STAG1: variants seen among roughly 807,000 people sequenced by gnomAD.
STAG1 encodes the protein STAG1 cohesin complex component, also known as cohesin subunit SA-1.
STAG1 carries 26 observed loss-of-function variants against 170.9 expected under a neutral mutation model. That is an observed-to-expected ratio of 0.15 (90% CI 0.11 to 0.21). STAG1 has a LOEUF of 0.21. STAG1 is among the 10% of genes least tolerant of loss of function. The probability of loss-of-function intolerance (pLI) is 1.00; values close to 1 mark genes in which losing one functional copy is unlikely to be tolerated. For synonymous variants in STAG1, 514 were observed against 497.7 expected, an observed-to-expected ratio of 1.03 and a Z score of -0.44; for missense variants, 964 against 1,509.5, an observed-to-expected ratio of 0.64 and a Z score of 5.99.
intron 4 of STAG1, among the ~76,000 whole-genome samples, chr3:136,600,241 C>A (rs1032292014): frequency 6.6e-6 from 1 of 152,196 alleles, no homozygotes. Flanking sequence ...ACTTGAGATA[C>A]ACGATTACCC....
chr3:136,624,590 C>T (rs1177050671), intron 2 of STAG1, among the ~76,000 whole-genome samples: 1 of 152,224 alleles, frequency 6.6e-6, no homozygotes, highest in Non-Finnish European at 1.5e-5. Context: ...GCTGAGGAAA[C>T]ATGCTTCCTC....
At chr3:136,681,501 A>T (rs143256543) in intron 1 of STAG1, among the ~76,000 whole-genome samples, 1,934 of 152,326 alleles carry the variant, frequency 0.013, 24 homozygotes, top group Middle Eastern at 0.027. Context: ...TATACAAGGC[A>T]TGAGGTTATA....
chr3:136,509,410 T>C (rs1007750678), intron 7 of STAG1, among the ~76,000 whole-genome samples: 1 of 141,718 alleles, frequency 7.1e-6, no homozygotes, highest in Non-Finnish European at 1.5e-5. Context: ...AAAAAAAAAG[T>C]AAAGCCCAGC....
chr3:136,685,053 G>A (rs556485585), intron 1 of STAG1, among the ~76,000 whole-genome samples: 1 of 152,186 alleles, frequency 6.6e-6, no homozygotes, highest in East Asian at 1.9e-4. Context: ...GGTGGCTCAC[G>A]CCTGTAATCC....
chr3:136,634,204 T>G (rs981318438), intron 1 of STAG1, among the ~76,000 whole-genome samples: 7 of 151,410 alleles, frequency 4.6e-5, no homozygotes, highest in Non-Finnish European at 7.4e-5. Context: ...ATTTTAAAAC[T>G]AACCAGGCGT....
chr3:136,602,083 A>AAAGAAAAG (rs1938700810), intron 4 of STAG1, among the ~76,000 whole-genome samples: 3 of 152,262 alleles, frequency 2.0e-5, no homozygotes, highest in Admixed American at 2.0e-4. Flanking sequence ...GCTTACATTT[A>AAAGAAAAG]AAGAAAAGGA....
At chr3:136,674,522 A>C (rs1026002034) in intron 1 of STAG1, among the ~76,000 whole-genome samples, 1 of 152,200 alleles carries the variant, frequency 6.6e-6, no homozygotes, top group Non-Finnish European at 1.5e-5. Flanking sequence ...CCAAGAAGGG[A>C]CACAAGGGAA....
chr3:136,347,092 A>G (rs1235716749), intron 29 of STAG1, among the ~76,000 whole-genome samples: 35 of 150,428 alleles, frequency 2.3e-4, no homozygotes, highest in African/African-American at 2.2e-4. Flanking sequence ...AAAAAAAAAA[A>G]AAAAGAAAAG....
intron 7 of STAG1, among the ~76,000 whole-genome samples, chr3:136,508,357 G>A (rs1215555373): frequency 1.3e-5 from 2 of 152,068 alleles, no homozygotes; most frequent in Non-Finnish European, 2.9e-5. Context: ...GAAAAAATAG[G>A]TTTTCTAGAG....
intron 6 of STAG1, among the ~76,000 whole-genome samples, chr3:136,540,112 A>G (rs984144768): frequency 6.6e-6 from 1 of 152,148 alleles, no homozygotes; most frequent in Non-Finnish European, 1.5e-5. Context: ...AGTCTTTTGA[A>G]GAAAAAAATG....
intron 4 of STAG1, among the ~76,000 whole-genome samples, chr3:136,572,741 G>A (rs993678671): frequency 1.3e-5 from 2 of 152,016 alleles, no homozygotes; most frequent in South Asian, 4.1e-4. Context: ...CTATGACAAA[G>A]GAGACGTTTC....
intron 6 of STAG1, among the ~76,000 whole-genome samples, chr3:136,535,560 G>A (rs920185398): frequency 6.6e-6 from 1 of 152,190 alleles, no homozygotes; most frequent in Non-Finnish European, 1.5e-5. Context: ...CTACTTGGGT[G>A]GCTGAAGCAA....
In STAG1 at chr3:136,660,263, C is replaced by T. The variant is rs75996534; in HGVS notation, c.-83-29282G>A. ...CCAGGGTTTACCAGTAAAGTCATTT[C>T]CACAGTGTGCAATTCTGCAACTAAG... On this transcript the variant is annotated intron_variant, in intron 1 of 33. Transcript: ENST00000383202. 6.4e-3 allele frequency among the ~76,000 whole-genome samples: 979 copies of T among 152,276 alleles called. 12 individuals carry two copies. The highest frequency in any genetic ancestry group is 0.022 in the African/African-American group (930 of 41,544).
intron 1 of STAG1, among the ~76,000 whole-genome samples, chr3:136,701,758 G>A (rs867074502): frequency 1.6e-4 from 25 of 152,094 alleles, no homozygotes; most frequent in Middle Eastern, 3.2e-3. Flanking sequence ...GCTTCTGAGA[G>A]AATCATTATA....
chr3:136,471,328 T>C (rs1384468900), intron 12 of STAG1, among the ~76,000 whole-genome samples: 1 of 151,854 alleles, frequency 6.6e-6, no homozygotes, highest in African/African-American at 2.4e-5. Context: ...GTCAATGGAG[T>C]TCTAATATTC....
intron 7 of STAG1, among the ~76,000 whole-genome samples, chr3:136,520,935 T>C (rs1462746470): frequency 6.6e-6 from 1 of 152,142 alleles, no homozygotes; most frequent in Admixed American, 6.6e-5. Context: ...TTTGGCCTAG[T>C]GGTCTCTTAA....
chr3:136,352,164 ATTTAT>A (rs1936458576), intron 28 of STAG1, among the ~76,000 whole-genome samples: 1 of 151,974 alleles, frequency 6.6e-6, no homozygotes, highest in African/African-American at 2.4e-5. Flanking sequence ...TGTTCTTTTT[ATTTAT>A]TTATTTTTTT....
chr3:136,457,527 C>T (rs530146145), intron 13 of STAG1, among the ~76,000 whole-genome samples: 31 of 152,258 alleles, frequency 2.0e-4, no homozygotes, highest in Admixed American at 9.2e-4. Flanking sequence ...TCGGGGCCTT[C>T]GCAGCCTCCA....
intron 1 of STAG1, among the ~76,000 whole-genome samples, chr3:136,696,509 T>TA (rs1217078006): frequency 6.6e-6 from 1 of 151,622 alleles, no homozygotes; most frequent in Non-Finnish European, 1.5e-5. Flanking sequence ...CCACCAAGAG[T>TA]AAATACTAAT....
Sources: gnomAD v4.1 joint callset for allele counts (sites outside exome capture counted in the v4.1 genomes callset) on GRCh38, gnomAD v4.1.1 for gene constraint, MANE v1.5 for transcripts, NCBI Gene and HGNC (gene_info 2026-07-23, HGNC 2026-07-21) for gene names.